Variants in PDE11A observed in about 807,000 individuals in gnomAD.
PDE11A encodes phosphodiesterase 11A, also known as dual 3',5'-cyclic-AMP and -GMP phosphodiesterase 11A.
In PDE11A, 100 loss-of-function variants were observed where a neutral mutation model predicts 100.5. The observed-to-expected ratio is 1.00, with a 90% confidence interval of 0.85 to 1.18. The LOEUF (loss-of-function observed/expected upper bound fraction) is 1.18. Among genes scored for constraint, PDE11A ranks in the 50% most tolerant of loss-of-function variants. PDE11A has a pLI of 0.00. For synonymous variants in PDE11A, 381 were observed against 420.8 expected (o/e 0.91, Z 1.16); for missense variants, 1,141 against 1,152.6 (o/e 0.99, Z 0.15).
At chr2:177,634,934 AGGG>A (rs1263306388) in intron 19 of PDE11A, among the ~76,000 whole-genome samples, 2 of 152,176 alleles carry the variant, frequency 1.3e-5, no homozygotes, top group Non-Finnish European at 2.9e-5. Flanking sequence ...GTGAAAGAGA[AGGG>A]GGGAAACTTA....
At chr2:177,737,590 C>CAAA (rs10654194) in intron 10 of PDE11A, among the ~76,000 whole-genome samples, 156 of 144,652 alleles carry the variant, frequency 1.1e-3, no homozygotes, top group Admixed American at 1.6e-3. Flanking sequence ...GACTCTGTCT[C>CAAA]AAAAAAAAAA....
chr2:177,924,189 T>A (rs1314619682), intron 2 of PDE11A, among the ~76,000 whole-genome samples: 1 of 152,206 alleles, frequency 6.6e-6, no homozygotes, highest in Non-Finnish European at 1.5e-5. Context: ...GGCTTTAAAT[T>A]CTTGTCTTCA....
chr2:178,086,713 G>A (rs531744330), intron 2 of PDE11A, among the ~76,000 whole-genome samples: 1 of 152,242 alleles, frequency 6.6e-6, no homozygotes, highest in African/African-American at 2.4e-5. Context: ...AGGACAAAAA[G>A]TTAAATGTGA....
intron 2 of PDE11A, among the ~76,000 whole-genome samples, chr2:177,944,746 G>A (rs998218793): frequency 1.3e-5 from 2 of 151,752 alleles, no homozygotes; most frequent in East Asian, 2.0e-4. Flanking sequence ...GAGAGGGAGC[G>A]TGGAGCCTCC....
chr2:177,712,803 T>C (rs1273974649), intron 12 of PDE11A, among the ~76,000 whole-genome samples: 2 of 152,170 alleles, frequency 1.3e-5, no homozygotes, highest in African/African-American at 2.4e-5. Flanking sequence ...TCCCATTTCA[T>C]TACTTATTAA....
At chr2:177,712,855 C>A (rs551690167) in intron 12 of PDE11A, among the ~76,000 whole-genome samples, 1 of 152,090 alleles carries the variant, frequency 6.6e-6, no homozygotes, top group African/African-American at 2.4e-5. Flanking sequence ...GATTAGGGTA[C>A]AAATTGCTTC....
intron 10 of PDE11A, among the ~76,000 whole-genome samples, chr2:177,737,106 G>T (rs2081796318): frequency 6.6e-6 from 1 of 151,836 alleles, no homozygotes; most frequent in East Asian, 1.9e-4. Context: ...TGGGCATGAT[G>T]GCACATGCCT....
rs146788797 is a variant in PDE11A, at chr2:177,660,097, TTC to T, written c.2646+3767_2646+3768del. ...TTTCTTTCTTTCTTTCTTTCTTTCT[TTC>T]TCTCTCTCTCTCTTTCTTTCTTTCT... is the stretch of plus-strand genomic sequence containing the variant. On this transcript the variant is annotated intron_variant, in intron 19 of 19. Transcript: ENST00000286063. Among the ~76,000 whole-genome samples, 118 of 69,348 alleles carry T rather than the reference TTC, an allele frequency of 1.7e-3. 3 individuals carry two copies. The highest frequency in any genetic ancestry group is 5.4e-3 in the African/African-American group (94 of 17,418). 45.5% of individuals were successfully genotyped at this position (69,348 alleles called of 152,430 possible). A position where few individuals can be genotyped will look rare whatever the true frequency, so the allele number is the denominator to read the frequency against.
intron 2 of PDE11A, among the ~76,000 whole-genome samples, chr2:178,012,315 T>C (rs939089101): frequency 6.6e-6 from 1 of 152,180 alleles, no homozygotes; most frequent in Non-Finnish European, 1.5e-5. Flanking sequence ...AAAAGTTGCT[T>C]GGGGATAAGT....
At chr2:177,754,728 C>G (rs1415495902) in intron 10 of PDE11A, among the ~76,000 whole-genome samples, 5 of 152,220 alleles carry the variant, frequency 3.3e-5, no homozygotes. Context: ...ACAGTCCTGT[C>G]TAAACAGCCT....
chr2:177,824,496 A>G (rs1340410848), intron 6 of PDE11A, among the ~76,000 whole-genome samples: 1 of 152,224 alleles, frequency 6.6e-6, no homozygotes, highest in Non-Finnish European at 1.5e-5. Flanking sequence ...TACTGCATCC[A>G]TAATGTGTGT....
intron 1 of PDE11A, among the ~76,000 whole-genome samples, chr2:178,056,624 T>C (rs200677076): frequency 4.1e-4 from 62 of 152,084 alleles, no homozygotes; most frequent in Non-Finnish European, 6.6e-4. Context: ...TTAAACTCTG[T>C]GTATTTAAAA....
intron 5 of PDE11A, among the ~76,000 whole-genome samples, chr2:177,869,851 T>C (rs1305456331): frequency 1.3e-5 from 2 of 152,218 alleles, no homozygotes; most frequent in Non-Finnish European, 2.9e-5. Flanking sequence ...CTCTTGGCAT[T>C]GGCAGGTATG....
intron 1 of PDE11A, among the ~76,000 whole-genome samples, chr2:178,019,412 A>T (rs1392259067): frequency 6.6e-6 from 1 of 152,198 alleles, no homozygotes; most frequent in Non-Finnish European, 1.5e-5. Flanking sequence ...CAAGTATAAA[A>T]GTATAAAAAA....
At chr2:177,816,089 T>C (rs147444701) in intron 9 of PDE11A, among the ~76,000 whole-genome samples, 3,858 of 152,174 alleles carry the variant, frequency 0.025, 152 homozygotes, top group African/African-American at 0.088. Flanking sequence ...TGCATGCCTG[T>C]AATCCCAGCT....
chr2:177,988,321 A>G (rs374942743), intron 2 of PDE11A, among the ~76,000 whole-genome samples: 1 of 152,186 alleles, frequency 6.6e-6, no homozygotes, highest in Non-Finnish European at 1.5e-5. Context: ...TGTTCCTGCT[A>G]TGCTGTAAAG....
intron 2 of PDE11A, among the ~76,000 whole-genome samples, chr2:177,993,147 G>A (rs1428659862): frequency 6.6e-6 from 1 of 152,106 alleles, no homozygotes; most frequent in Non-Finnish European, 1.5e-5. Context: ...AGAGCTGAAT[G>A]GAACCACCAC....
rs150109779 is a variant in PDE11A at position 177,763,400 on chromosome 2, G to T, written c.1788+5923C>A. On this transcript the variant is annotated intron_variant, in intron 10 of 19. Transcript: ENST00000286063. ...TTTTAAACAACCTTAGAAATGACCC[G>T]AGATGCACTGGAAAGCCACTGTTGG... Among the ~76,000 whole-genome samples, 887 of 152,272 alleles carry T rather than the reference G, an allele frequency of 5.8e-3. 11 individuals carry two copies. Among genetic ancestry groups the T allele is most frequent in the African/African-American group, 0.02 (823 of 41,544 alleles).
rs1263434367 is a variant in PDE11A at position 178,071,860 on chromosome 2, T to C, written c.578A>G (p.Lys193Arg). 6.2e-7 allele frequency: 1 copy of C among 1,613,964 alleles called. No homozygotes were observed. Among genetic ancestry groups the C allele is most frequent in the Non-Finnish European group, 8.5e-7 (1 of 1,179,950 alleles). ...CTCATTATGCTTTTTCAGATGGCAC[T>C]TGTAGTCGATGGCTGTAGGGGGATA... is the stretch of plus-strand genomic sequence containing the variant. ...PRYPPTAIDY[K>R]CHLKKHNERQ... Residue 193 changes from lysine (K) to arginine (R), a missense_variant, in exon 1 of 20, where the codon AAG (lysine) becomes AGG (arginine). By Grantham distance (26) the Lys-to-Arg change is conservative. Transcript: ENST00000286063.
Sources: allele counts gnomAD v4.1 joint callset (sites outside exome capture counted in the v4.1 genomes callset), GRCh38; gene constraint gnomAD v4.1.1; transcripts MANE v1.5; gene names NCBI Gene and HGNC (gene_info 2026-07-23, HGNC 2026-07-21).